NRIP1: variants seen among roughly 807,000 people sequenced by gnomAD.
NRIP1 encodes nuclear receptor-interacting protein 1.
NRIP1 carries 28 observed loss-of-function variants against 75.0 expected under a neutral mutation model. The ratio of observed to expected loss-of-function variants is 0.37; its 90% CI spans 0.28 to 0.51. The LOEUF is 0.51. Among genes scored for constraint, NRIP1 ranks in the 20% least tolerant of loss-of-function variants. The pLI is 0.92. For missense variants in NRIP1, 1,435 were observed against 1,343.7 expected, an observed-to-expected ratio of 1.07 and a Z score of -1.06; for synonymous variants, 526 against 487.6, an observed-to-expected ratio of 1.08 and a Z score of -1.04.
intron 3 of NRIP1, among the ~76,000 whole-genome samples, chr21:15,011,303 C>A (rs2147159839): frequency 6.6e-6 from 1 of 152,246 alleles, no homozygotes; most frequent in African/African-American, 2.4e-5. Flanking sequence ...CATTCTCCTG[C>A]CTCAGCCTCC....
intron 1 of NRIP1, chr21:15,051,523 G>T (rs918153976): frequency 6.6e-5 from 10 of 152,260 alleles, no homozygotes; most frequent in African/African-American, 2.4e-4. Flanking sequence ...AGAATATTTT[G>T]ATTCACAAGT....
chr21:14,967,166 C>T lies in NRIP1; in HGVS notation c.1027G>A (p.Ala343Thr). 6.2e-7 allele frequency: 1 copy of T among 1,614,086 alleles called. No individual in the cohort carries two copies. Among genetic ancestry groups the T allele is most frequent in the Non-Finnish European group, 8.5e-7 (1 of 1,180,002 alleles). The change falls in exon 4 of 4, where the codon GCT becomes ACT. Residue 343 changes from alanine (A) to threonine (T), a missense_variant. Physicochemically the swap from Ala to Thr is moderately conservative, Grantham distance 58 (BLOSUM62 0). Transcript: ENST00000318948. ...SSKLMASKSSATVFQNPMGII... is the reference protein window; with the variant it reads ...SSKLMASKSSTTVFQNPMGII... ...CCCATTGGATTTTGAAACACTGTAG[C>T]ACTACTTTTGCTAGCCATCAGTTTG... is the stretch of plus-strand genomic sequence containing the variant.
chr21:14,997,639 C>A (rs1455908281), intron 3 of NRIP1, among the ~76,000 whole-genome samples: 1 of 151,144 alleles, frequency 6.6e-6, no homozygotes, highest in Non-Finnish European at 1.5e-5. Context: ...CGTAGACACA[C>A]AAACCCACAA....
chr21:15,047,749 C>CT (rs1290540280), intron 1 of NRIP1, among the ~76,000 whole-genome samples: 2 of 152,084 alleles, frequency 1.3e-5, no homozygotes, highest in African/African-American at 4.8e-5. Flanking sequence ...GCTTTGTGTT[C>CT]TTATCATTCA....
intron 3 of NRIP1, among the ~76,000 whole-genome samples, chr21:14,977,698 A>T (rs1315469651): frequency 6.6e-6 from 1 of 152,218 alleles, no homozygotes; most frequent in Non-Finnish European, 1.5e-5. Flanking sequence ...CTTAAAATAT[A>T]TTTCTAATTA....
At position 14,965,633 on chromosome 21, in the gene NRIP1, T is replaced by C. The variant is rs1325419406; in HGVS notation, c.2560A>G (p.Met854Val). The change falls in exon 4 of 4, where the codon ATG becomes GTG. Residue 854 changes from methionine (M) to valine (V), a missense_variant. Physicochemically the swap from Met to Val is conservative, Grantham distance 21 (BLOSUM62 1). Coordinates refer to ENST00000318948, the MANE Select transcript of NRIP1 (RefSeq NM_003489.4). ...MALLESKNLC[M>V]VPKKRKLYTE... is the part of the protein sequence containing the mutation. ...TAAAGCTTCCTTTTCTTAGGGACCA[T>C]GCAAAGATTCTTTGATTCTAGAAGT... 12 of 1,613,366 alleles carry C rather than the reference T, an allele frequency of 7.4e-6. No homozygotes were observed. The highest frequency in any genetic ancestry group is 1.0e-5 in the Non-Finnish European group (12 of 1,179,900).
Position 15,003,897 on chromosome 21 carries a change from G to A in NRIP1, c.-335+10447C>T, listed in dbSNP as rs184468358. Among the ~76,000 whole-genome samples the A allele has an allele frequency of 6.2e-3, 949 of 152,274 alleles. 8 individuals carry two copies. The highest frequency in any genetic ancestry group is 0.021 in the African/African-American group (891 of 41,558). On this transcript the variant is annotated intron_variant, in intron 3 of 3. Transcript: ENST00000318948. ...AGTAAATTAGAAATTACTAGCAGGT[G>A]AGCTTGGGTCATACATGACATTTAG...
At chr21:15,055,151 C>T (rs976775704) in intron 1 of NRIP1, among the ~76,000 whole-genome samples, 2 of 152,136 alleles carry the variant, frequency 1.3e-5, no homozygotes, top group Admixed American at 6.6e-5. Flanking sequence ...TTATTTGTTA[C>T]CTTTCTCAAG....
chr21:15,027,973 C>A (rs912351619), intron 2 of NRIP1, among the ~76,000 whole-genome samples: 1 of 152,120 alleles, frequency 6.6e-6, no homozygotes, highest in Non-Finnish European at 1.5e-5. Context: ...TTCTCAACAA[C>A]CTTGCATTAC....
chr21:15,032,192 A>G (rs1426598234), intron 2 of NRIP1, among the ~76,000 whole-genome samples: 1 of 152,230 alleles, frequency 6.6e-6, no homozygotes, highest in Non-Finnish European at 1.5e-5. Flanking sequence ...AAGCCAAGCC[A>G]TTAATAACAA....
At chr21:15,044,612 A>G (rs1323009708) in intron 1 of NRIP1, among the ~76,000 whole-genome samples, 2 of 152,108 alleles carry the variant, frequency 1.3e-5, no homozygotes, top group African/African-American at 4.8e-5. Context: ...CCTATAACCT[A>G]TGATCAGTTC....
Position 14,968,101 on chromosome 21 carries a change from C to CCT in NRIP1, c.90_91dup (p.Gly31GlufsTer77). The CCT allele has an allele frequency of 6.2e-7, 1 of 1,614,074 alleles. No individual in the cohort carries two copies. The highest frequency in any genetic ancestry group is 8.5e-7 in the Non-Finnish European group (1 of 1,179,982). ...TTTGTCAACGGCAGTACCTGATCCC[C>CCT]CTGCTGCCTGATGCATTAGTAATCC... On this transcript the variant is annotated frameshift_variant, in exon 4 of 4. Coordinates refer to ENST00000318948, the MANE Select transcript of NRIP1 (RefSeq NM_003489.4). LOFTEE classifies it high-confidence loss of function.
chr21:15,016,216 C>T (rs572547868), intron 2 of NRIP1, among the ~76,000 whole-genome samples: 17 of 152,278 alleles, frequency 1.1e-4, no homozygotes, highest in African/African-American at 3.8e-4. Flanking sequence ...AATTATAGAT[C>T]TTGGACTCAA....
rs536854679 is a variant in NRIP1 at position 14,967,629 on chromosome 21, C to A, written c.564G>T (p.Leu188Phe). The A allele has an allele frequency of 6.2e-7, 1 of 1,613,638 alleles. No homozygotes were observed. The highest frequency in any genetic ancestry group is 2.2e-5 in the East Asian group (1 of 44,882). The change falls in exon 4 of 4, where the codon TTG becomes TTT. Residue 188 changes from leucine to phenylalanine, a missense_variant. Leu to Phe is a conservative substitution (Grantham distance 22). Coordinates refer to ENST00000318948, the MANE Select transcript of NRIP1 (RefSeq NM_003489.4). Reference sequence around the variant, plus strand: ...GATCTTTAACTTTACTTTTCTTCAACAAAGTTTTTAAGTGACTTGATGCAA... The same window carrying A: ...GATCTTTAACTTTACTTTTCTTCAAAAAAGTTTTTAAGTGACTTGATGCAA... The part of the protein sequence containing the change: ...YGVASSHLKT[L>F]LKKSKVKDQK...
Position 14,967,016 on chromosome 21 carries a change from T to C in NRIP1, c.1177A>G (p.Met393Val), listed in dbSNP as rs775003588. 1.3e-5 allele frequency: 21 copies of C among 1,614,192 alleles called. No homozygotes were observed. Among genetic ancestry groups the C allele is most frequent in the African/African-American group, 8.0e-5 (6 of 75,064 alleles). The change falls in exon 4 of 4, where the codon ATG (methionine) becomes GTG (valine). Residue 393 changes from methionine to valine, a missense_variant. Physicochemically the swap from Met to Val is conservative, Grantham distance 21. Coordinates refer to ENST00000318948, the MANE Select transcript of NRIP1 (RefSeq NM_003489.4). The stretch of plus-strand genomic sequence containing the variant: ...CTCTCACTGTGACTGTGTCCATTCA[T>C]TGGCTTAGGTATAGTCTGGCTTTTA... ...LLKSQTIPKP[M>V]NGHSHSERGS...
chr21:15,063,119 A>G (rs925248247), intron 1 of NRIP1, among the ~76,000 whole-genome samples: 2 of 152,206 alleles, frequency 1.3e-5, no homozygotes, highest in Admixed American at 6.5e-5. Flanking sequence ...AGAGTATGAA[A>G]CAGACTAGAA....
chr21:14,969,285 T>G (rs2146949338), intron 3 of NRIP1, among the ~76,000 whole-genome samples: 1 of 152,338 alleles, frequency 6.6e-6, no homozygotes, highest in East Asian at 1.9e-4. Flanking sequence ...AGTTCGTTAG[T>G]AAATCCTTAC....
chr21:15,042,675 T>A (rs1430294904), intron 2 of NRIP1, among the ~76,000 whole-genome samples: 3 of 152,220 alleles, frequency 2.0e-5, no homozygotes, highest in Non-Finnish European at 4.4e-5. Context: ...GTCAGCCATC[T>A]ATGAGGAACA....
rs1267888516 is a variant in NRIP1 at position 14,961,883 on chromosome 21, T to TA, written c.*2832dup. ...TGGAATATACAGGAACCAAAGAGAT[T>TA]AAAAGGCTTTTCTGTTGCATTAGAA... On this transcript the variant is annotated 3_prime_UTR_variant, in exon 4 of 4. Coordinates refer to ENST00000318948, the MANE Select transcript of NRIP1 (RefSeq NM_003489.4). 3 of 152,132 alleles carry TA rather than the reference T, an allele frequency of 2.0e-5. No homozygotes were observed. Among genetic ancestry groups the TA allele is most frequent in the Non-Finnish European group, 4.4e-5 (3 of 67,798 alleles). The allele number at this position is 152,132 out of a possible 1,614,324, so 9.4% of individuals were successfully genotyped here.
Sources: allele counts gnomAD v4.1 joint callset (sites outside exome capture counted in the v4.1 genomes callset), GRCh38; gene constraint gnomAD v4.1.1; transcripts MANE v1.5; gene names NCBI Gene and HGNC (gene_info 2026-07-23, HGNC 2026-07-21).